The following USP13 variants were observed in gnomAD, a reference collection of about 807,000 sequenced individuals.
The protein encoded by USP13 is ubiquitin specific peptidase 13, also known as ubiquitin carboxyl-terminal hydrolase 13.
USP13 carries 68 observed loss-of-function variants against 107.8 expected under a neutral mutation model. The observed-to-expected ratio is 0.63, with a 90% CI of 0.52 to 0.77. USP13 has a LOEUF of 0.77. Ranked by LOEUF, USP13 falls within the 30% of genes least tolerant of loss-of-function variation. The pLI, the probability that USP13 is intolerant of heterozygous loss-of-function variation, is 0.00. For missense variants in USP13, 945 were observed against 1,093.3 expected, an observed-to-expected ratio of 0.86 and a Z score of 1.91; for synonymous variants, 377 against 389.5, an observed-to-expected ratio of 0.97 and a Z score of 0.38.
chr3:179,721,589 C>T lies in USP13; in HGVS notation c.1088C>T (p.Ala363Val), dbSNP rs548301289. 5.0e-6 allele frequency: 8 copies of T among 1,612,686 alleles called. No homozygotes were observed. The highest frequency in any genetic ancestry group is 2.2e-5 in the South Asian group (2 of 90,952). ...AIFSIPEFQR[A>V]YVGNLPRIFD... ...TTCAGCATCCCAGAATTCCAGAGAG[C>T]GTAAGTGCCTTCCATGCAGACCAGG... The change falls in exon 8 of 21, where the codon GCG (alanine) becomes GTG (valine). Residue 363 changes from alanine (A) to valine (V), a missense_variant and splice_region_variant. By Grantham distance (64) the Ala-to-Val change is moderately conservative. Coordinates refer to ENST00000263966, the MANE Select transcript of USP13 (RefSeq NM_003940.3). The surrounding 1 kb of genome is among the most constrained non-coding windows in gnomAD (Gnocchi z 4.3).
rs193236181 is a variant in USP13, at chr3:179,729,342, C to G, written c.1089-847C>G. Reference sequence around the variant, plus strand: ...TTCACTAAACTGACTTAGCAGGATGCTTACTTAAACTGGATCTACAAGGAC... The same window carrying G: ...TTCACTAAACTGACTTAGCAGGATGGTTACTTAAACTGGATCTACAAGGAC... On this transcript the variant is annotated intron_variant, in intron 8 of 20. Transcript: ENST00000263966. Among the ~76,000 whole-genome samples, 268 of 152,332 alleles carry G rather than the reference C, an allele frequency of 1.8e-3. 1 individual carries two copies. Among genetic ancestry groups the G allele is most frequent in the African/African-American group, 6.3e-3 (262 of 41,588 alleles).
At position 179,707,513 on chromosome 3, in the gene USP13, GC is replaced by G. The variant is rs371726443; in HGVS notation, c.620+441del. On this transcript the variant is annotated intron_variant, in intron 5 of 20. Coordinates refer to ENST00000263966, the MANE Select transcript of USP13 (RefSeq NM_003940.3). ...TCTTGCAATTCCCCATGTGGCCTGA[GC>G]CCCAGTCGCCCACAGTGTACATTTG... Among the ~76,000 whole-genome samples the G allele has an allele frequency of 2.4e-4, 36 of 152,252 alleles. No individual in the cohort carries two copies. The East Asian group carries it at 6.9e-3, about 29-fold the overall frequency.
At chr3:179,660,075 T>C (rs989924264) in intron 1 of USP13, among the ~76,000 whole-genome samples, 4 of 152,134 alleles carry the variant, frequency 2.6e-5, no homozygotes, top group African/African-American at 9.7e-5. Flanking sequence ...TTTAACTCGA[T>C]TTAATTGTAC....
At chr3:179,702,221 A>G (rs1176409719) in intron 4 of USP13, among the ~76,000 whole-genome samples, 2 of 152,050 alleles carry the variant, frequency 1.3e-5, no homozygotes, top group African/African-American at 2.4e-5. Context: ...GGGTTTCACC[A>G]TGTTAGCCAG....
chr3:179,740,239 T>C lies in USP13; in HGVS notation c.1255-8T>C, dbSNP rs768334778. On this transcript the variant is annotated splice_polypyrimidine_tract_variant and splice_region_variant and intron_variant, in intron 10 of 20. Transcript: ENST00000263966. The stretch of plus-strand genomic sequence containing the variant: ...GTATCATAAGTCCATTTCATTTTTA[T>C]ACATTAGCCACAGCAGAACGGGATC... 6.2e-7 allele frequency: 1 copy of C among 1,613,536 alleles called. No individual in the cohort carries two copies. The highest frequency in any genetic ancestry group is 2.2e-5 in the East Asian group (1 of 44,858).
At chr3:179,769,533 G>A (rs996423770) in intron 19 of USP13, among the ~76,000 whole-genome samples, 2 of 152,028 alleles carry the variant, frequency 1.3e-5, no homozygotes, top group Admixed American at 6.6e-5. Context: ...TCAGCCTCTC[G>A]AGTAACTGGC....
At chr3:179,739,495 C>T (rs764961942) in intron 10 of USP13, among the ~76,000 whole-genome samples, 6 of 152,190 alleles carry the variant, frequency 3.9e-5, no homozygotes, top group Non-Finnish European at 7.3e-5. Context: ...GGGGTCCTCT[C>T]CTATACCCTC....
chr3:179,740,226 C>T, intron 10 of USP13, 21 bp from the exon 11 acceptor site: 1 of 1,612,656 alleles, frequency 6.2e-7, no homozygotes, highest in Non-Finnish European at 8.5e-7. Flanking sequence ...ATCATAAGTC[C>T]ATTTCATTTT....
intron 10 of USP13, 123 bp from the exon 11 acceptor site, chr3:179,740,124 T>G: frequency 7.1e-7 from 1 of 1,398,920 alleles, no homozygotes; most frequent in Non-Finnish European, 9.8e-7. Context: ...ATTATTTACC[T>G]TCTTTGGGCT....
chr3:179,730,733 G>A, intron 10 of USP13, 24 bp downstream of exon 10: 1 of 1,607,100 alleles, frequency 6.2e-7, no homozygotes, highest in Non-Finnish European at 8.5e-7. Flanking sequence ...CGTTTGCCAT[G>A]TTGACATGTA....
intron 19 of USP13, among the ~76,000 whole-genome samples, chr3:179,766,332 AT>A (rs1011955462): frequency 1.3e-5 from 2 of 152,050 alleles, no homozygotes; most frequent in Non-Finnish European, 2.9e-5. Flanking sequence ...GGCCCCGGTG[AT>A]CTGATAAAGT....
chr3:179,685,063 T>C (rs1174878380), intron 2 of USP13, among the ~76,000 whole-genome samples: 2 of 152,196 alleles, frequency 1.3e-5, no homozygotes, highest in African/African-American at 4.8e-5. Context: ...GCTTCATAAA[T>C]ATTTATTAAG....
intron 18 of USP13, among the ~76,000 whole-genome samples, chr3:179,764,522 T>G (rs1022614505): frequency 6.6e-6 from 1 of 152,052 alleles, no homozygotes; most frequent in Admixed American, 6.6e-5. Context: ...CAGTAAGAAG[T>G]CCTTTAGGAG....
At chr3:179,778,728 T>C (rs1314274893) in intron 19 of USP13, among the ~76,000 whole-genome samples, 2 of 151,296 alleles carry the variant, frequency 1.3e-5, no homozygotes, top group African/African-American at 4.9e-5. Context: ...ATCACGCCAT[T>C]GCATTCCAGC....
intron 8 of USP13, among the ~76,000 whole-genome samples, chr3:179,724,845 A>T (rs1201616703): frequency 1.3e-5 from 2 of 152,242 alleles, no homozygotes; most frequent in African/African-American, 4.8e-5. Flanking sequence ...TAGAAAAGGG[A>T]TATACATTGA....
intron 13 of USP13, among the ~76,000 whole-genome samples, chr3:179,749,597 G>A (rs147395247): frequency 6.6e-6 from 1 of 152,148 alleles, no homozygotes; most frequent in African/African-American, 2.4e-5. Flanking sequence ...ACATGTGAGC[G>A]ATTCAACTTG....
rs115828102 is a variant in USP13, at chr3:179,709,199, T to C, written c.805+242T>C. ...TCTTTCCTGTGTTTGTTAGTGTGCA[T>C]AAAGCATTTAGCTCAGTGCACGCTG... On this transcript the variant is annotated intron_variant, in intron 6 of 20. Coordinates refer to ENST00000263966, the MANE Select transcript of USP13 (RefSeq NM_003940.3). Among the ~76,000 whole-genome samples, 480 of 152,328 alleles carry C rather than the reference T, an allele frequency of 3.2e-3. 5 individuals are homozygous for C. Among genetic ancestry groups the C allele is most frequent in the African/African-American group, 0.011 (457 of 41,576 alleles).
chr3:179,751,868 G>A (rs1333044869), intron 13 of USP13, among the ~76,000 whole-genome samples: 1 of 152,042 alleles, frequency 6.6e-6, no homozygotes, highest in Non-Finnish European at 1.5e-5. Flanking sequence ...TTACAGGCGT[G>A]CCCCAATCCC....
intron 7 of USP13, 58 bp downstream of exon 7, chr3:179,720,092 C>A: frequency 7.8e-7 from 1 of 1,280,426 alleles, no homozygotes; most frequent in Non-Finnish European, 1.1e-6. Context: ...GGGGAGACGG[C>A]AAGGGAACTG....
Sources: gnomAD v4.1 joint callset for allele counts (sites outside exome capture counted in the v4.1 genomes callset) on GRCh38, gnomAD v4.1.1 for gene constraint, Gnocchi (gnomAD v3.1) non-coding constraint, MANE v1.5 for transcripts, NCBI Gene and HGNC (gene_info 2026-07-23, HGNC 2026-07-21) for gene names.